The following ZFAT variants were observed in gnomAD, a reference collection of about 807,000 sequenced individuals.
The protein encoded by ZFAT is zinc finger protein ZFAT.
A neutral mutation model predicts 117.7 loss-of-function variants in ZFAT; 64 were observed. The observed-to-expected ratio is 0.54, with a 90% confidence interval of 0.44 to 0.67. The LOEUF is 0.67. Among genes scored for constraint, ZFAT ranks in the 30% least tolerant of loss-of-function variants. The probability of loss-of-function intolerance (pLI) is 0.00; values close to 1 mark genes in which losing one functional copy is unlikely to be tolerated. For missense variants in ZFAT, 1,433 were observed against 1,584.5 expected, an observed-to-expected ratio of 0.90 and a Z score of 1.62; for synonymous variants, 679 against 615.0, an observed-to-expected ratio of 1.10 and a Z score of -1.54.
At chr8:134,653,419 GTTTTTTTTTTT>G (rs61711569) in intron 2 of ZFAT, among the ~76,000 whole-genome samples, 2 of 51,332 alleles carry the variant, frequency 3.9e-5, no homozygotes, top group East Asian at 7.6e-4. Flanking sequence ...CGTTTTATCT[GTTTTTTTTTTT>G]TTTTTTTTTT....
At chr8:134,567,633 C>T (rs1824568333) in intron 10 of ZFAT, among the ~76,000 whole-genome samples, 1 of 152,158 alleles carries the variant, frequency 6.6e-6, no homozygotes, top group South Asian at 2.1e-4. Context: ...GCAAAGTTGA[C>T]GTTCCAGAGC....
chr8:134,654,380 G>C (rs1251946477), intron 2 of ZFAT, among the ~76,000 whole-genome samples: 1 of 152,176 alleles, frequency 6.6e-6, no homozygotes, highest in Non-Finnish European at 1.5e-5. Flanking sequence ...TACCCACATA[G>C]TATATTCGCC....
rs76023886 is a variant in ZFAT, at chr8:134,541,630, A to G, written c.2977-8658T>C. On this transcript the variant is annotated intron_variant, in intron 11 of 15. Coordinates refer to ENST00000377838, the MANE Select transcript of ZFAT (RefSeq NM_020863.4). Reference sequence around the variant, plus strand: ...GAGGAAAGGAGGAAAGGAAGAAAGAAAAAAGGAAAGAAAAGGGAGAGAGGG... The same window carrying G: ...GAGGAAAGGAGGAAAGGAAGAAAGAGAAAAGGAAAGAAAAGGGAGAGAGGG... Among the ~76,000 whole-genome samples the G allele has an allele frequency of 6.1e-3, 933 of 152,352 alleles. 2 individuals carry two copies. Among genetic ancestry groups the G allele is most frequent in the Middle Eastern group, 0.014 (4 of 294 alleles).
At chr8:134,490,909 T>C (rs1040464010) in intron 15 of ZFAT, among the ~76,000 whole-genome samples, 2 of 152,138 alleles carry the variant, frequency 1.3e-5, no homozygotes, top group South Asian at 4.2e-4. Flanking sequence ...CTTGCTGTCC[T>C]CCCCCTGCCT....
At chr8:134,679,952 G>A (rs1434794269) in intron 1 of ZFAT, among the ~76,000 whole-genome samples, 1 of 151,552 alleles carries the variant, frequency 6.6e-6, no homozygotes, top group Non-Finnish European at 1.5e-5. Flanking sequence ...TTGGGGGTTG[G>A]GGAGGGGGAG....
intron 15 of ZFAT, among the ~76,000 whole-genome samples, chr8:134,487,748 C>T (rs905549548): frequency 2.6e-5 from 4 of 152,204 alleles, no homozygotes; most frequent in Non-Finnish European, 4.4e-5. Flanking sequence ...CCCTCTCCTC[C>T]AGGAAGCTCC....
chr8:134,738,373 C>T, the ZFAT span, among the ~76,000 whole-genome samples: 1 of 152,132 alleles, frequency 6.6e-6, no homozygotes. Flanking sequence ...ATCTCATTAT[C>T]TATAAAAGAA....
intron 1 of ZFAT, among the ~76,000 whole-genome samples, chr8:134,667,471 C>T (rs201213002): frequency 5.9e-4 from 73 of 123,656 alleles, no homozygotes; most frequent in Admixed American, 2.0e-3. Flanking sequence ...CCAGCCTGGG[C>T]GACAGAGTGA....
chr8:134,540,395 CCT>C (rs1479240635), intron 11 of ZFAT, among the ~76,000 whole-genome samples: 3 of 152,162 alleles, frequency 2.0e-5, no homozygotes, highest in African/African-American at 7.2e-5. Context: ...TTTTTATTCC[CCT>C]GTCTAATGTG....
chr8:134,508,336 C>G (rs1563788388), intron 15 of ZFAT, among the ~76,000 whole-genome samples: 2 of 152,242 alleles, frequency 1.3e-5, no homozygotes, highest in Admixed American at 6.5e-5. Context: ...GGTCACCAGG[C>G]ACACATCACT....
chr8:134,482,944 T>C (rs1005475382), intron 15 of ZFAT, among the ~76,000 whole-genome samples: 36 of 152,324 alleles, frequency 2.4e-4, no homozygotes, highest in African/African-American at 8.7e-4. Flanking sequence ...TGTTCACAAG[T>C]GGCTCTGCTG....
At chr8:134,568,054 C>G (rs569037550) in intron 10 of ZFAT, among the ~76,000 whole-genome samples, 1 of 152,338 alleles carries the variant, frequency 6.6e-6, no homozygotes, top group African/African-American at 2.4e-5. Flanking sequence ...TACCCCAGCA[C>G]ATGAGTGCAC....
intron 10 of ZFAT, among the ~76,000 whole-genome samples, chr8:134,567,900 G>C (rs1388367143): frequency 6.6e-6 from 1 of 152,176 alleles, no homozygotes; most frequent in African/African-American, 2.4e-5. Context: ...TGAACACTCT[G>C]GTAATTGGGC....
the ZFAT span, among the ~76,000 whole-genome samples, chr8:134,811,435 A>G: frequency 1.3e-5 from 2 of 152,200 alleles, no homozygotes; most frequent in African/African-American, 4.8e-5. Context: ...AATTTCTAGT[A>G]AGAAAGGTAA....
the ZFAT span, among the ~76,000 whole-genome samples, chr8:134,760,732 T>C: frequency 3.3e-5 from 5 of 152,222 alleles, no homozygotes; most frequent in African/African-American, 1.2e-4. Context: ...TGTGCAGCAT[T>C]GGGCTAGGTT....
At chr8:134,612,140 C>A (rs1396506444) in intron 3 of ZFAT, among the ~76,000 whole-genome samples, 1 of 152,200 alleles carries the variant, frequency 6.6e-6, no homozygotes, top group Non-Finnish European at 1.5e-5. Context: ...AAATAACCTG[C>A]CCAAAATTCA....
intron 10 of ZFAT, among the ~76,000 whole-genome samples, chr8:134,566,863 T>C (rs566935599): frequency 5.3e-5 from 8 of 152,352 alleles, no homozygotes; most frequent in Admixed American, 2.0e-4. Context: ...TTCTGTTCCT[T>C]TGACTCTGCA....
chr8:134,595,396 C>T (rs1457554921), intron 7 of ZFAT, among the ~76,000 whole-genome samples: 5 of 151,804 alleles, frequency 3.3e-5, no homozygotes, highest in Admixed American at 2.0e-4. Flanking sequence ...CTGTACAGTA[C>T]ATATTTTCTA....
intron 2 of ZFAT, among the ~76,000 whole-genome samples, chr8:134,645,426 TTAAC>T (rs1378797730): frequency 3.9e-5 from 6 of 152,276 alleles, no homozygotes; most frequent in Admixed American, 2.6e-4. Flanking sequence ...GAGGCTGAGT[TTAAC>T]TAAGGAATTC....
Sources: gnomAD v4.1 joint callset for allele counts (sites outside exome capture counted in the v4.1 genomes callset) on GRCh38, gnomAD v4.1.1 for gene constraint, MANE v1.5 for transcripts, NCBI Gene and HGNC (gene_info 2026-07-23, HGNC 2026-07-21) for gene names.